Variants in ATF7 observed in about 807,000 individuals in gnomAD.
ATF7 encodes the protein activating transcription factor 7.
A neutral mutation model predicts 50.4 loss-of-function variants in ATF7; 10 were observed. The observed-to-expected ratio is 0.20, with a 90% CI of 0.12 to 0.34. The LOEUF (loss-of-function observed/expected upper bound fraction) is 0.34. Among genes scored for constraint, ATF7 ranks in the 10% least tolerant of loss-of-function variants. ATF7 has a pLI of 1.00. For synonymous variants in ATF7, 201 were observed against 226.4 expected (o/e 0.89, Z 1.01); for missense variants, 465 against 613.9 (o/e 0.76, Z 2.56).
intron 1 of ATF7, among the ~76,000 whole-genome samples, chr12:53,621,714 G>A (rs1593015533): frequency 6.6e-6 from 1 of 150,828 alleles, no homozygotes; most frequent in Middle Eastern, 3.4e-3. Flanking sequence ...GCTTGAACCC[G>A]GGAGGCGGAG....
intron 3 of ATF7, among the ~76,000 whole-genome samples, chr12:53,548,756 G>A (rs1472663719): frequency 6.6e-6 from 1 of 152,228 alleles, no homozygotes; most frequent in African/African-American, 2.4e-5. Flanking sequence ...GCTGAGGCAA[G>A]AGGGTTGCCT....
chr12:53,532,404 G>T (rs1386068690), intron 8 of ATF7, 106 bp downstream of exon 8: 39 of 889,928 alleles, frequency 4.4e-5, no homozygotes, highest in Non-Finnish European at 6.4e-5. Flanking sequence ...CCTTAGCTTT[G>T]CAAGCCCCAG....
intron 9 of ATF7, among the ~76,000 whole-genome samples, chr12:53,528,777 A>C (rs1427141544): frequency 1.3e-5 from 2 of 152,124 alleles, no homozygotes; most frequent in Non-Finnish European, 1.5e-5. Flanking sequence ...AAAAAAGAAA[A>C]GAAAAGAAAA....
intron 2 of ATF7, among the ~76,000 whole-genome samples, chr12:53,599,633 T>C (rs1213439480): frequency 6.6e-6 from 1 of 152,176 alleles, no homozygotes; most frequent in African/African-American, 2.4e-5. Flanking sequence ...TTTGGAATCT[T>C]CCTTCTGTTC....
At position 53,524,910 on chromosome 12, in the gene ATF7, T is replaced by G; in HGVS notation, c.928-149A>C. ...AAGTCTCATTACTATGTCCCCAAGC[T>G]TCCCTTTTGTAGGAGTCCTCAATTT... On this transcript the variant is annotated intron_variant, in intron 9 of 11. Transcript: ENST00000420353. This position sits in a 1 kb window ranked among gnomAD's most constrained non-coding sequence, Gnocchi z 4.6. 4 of 750,220 alleles carry G rather than the reference T, an allele frequency of 5.3e-6. No individual in the cohort carries two copies. The highest frequency in any genetic ancestry group is 8.2e-6 in the Non-Finnish European group (4 of 490,476). 46.5% of individuals were successfully genotyped at this position (750,220 alleles called of 1,614,324 possible).
chr12:53,596,401 A>T (rs1294224972), intron 2 of ATF7, among the ~76,000 whole-genome samples: 1 of 152,218 alleles, frequency 6.6e-6, no homozygotes, highest in African/African-American at 2.4e-5. Context: ...CTCCATGAGT[A>T]GTATCTCCTC....
intron 2 of ATF7, among the ~76,000 whole-genome samples, chr12:53,560,031 T>G (rs990135548): frequency 1.1e-4 from 16 of 152,104 alleles, no homozygotes; most frequent in Non-Finnish European, 2.4e-4. Flanking sequence ...CAAGTGATTC[T>G]TCTGCCTCAG....
intron 9 of ATF7, among the ~76,000 whole-genome samples, chr12:53,529,706 C>T (rs968703973): frequency 1.6e-5 from 2 of 122,948 alleles, no homozygotes; most frequent in African/African-American, 6.6e-5. Flanking sequence ...TATATATATA[C>T]ACATACACAC....
In ATF7 at chr12:53,554,852, GA is replaced by G. The variant is rs1940612355; in HGVS notation, c.49-2216del. ...AGCTCCAGCCTGGGTGACAGAGGAA[GA>G]CCTTGTCTCAAAAAAAGAAAAAAAA... On this transcript the variant is annotated intron_variant, in intron 2 of 11. Coordinates refer to ENST00000420353, the MANE Select transcript of ATF7 (RefSeq NM_006856.3). 4.1e-5 allele frequency among the ~76,000 whole-genome samples: 4 copies of G among 98,384 alleles called. No homozygotes were observed. The Admixed American group carries it at 6.2e-4, about 15-fold the overall frequency. The allele number at this position is 98,384 out of a possible 152,430, so 64.5% of individuals were successfully genotyped here.
At chr12:53,616,374 C>T (rs1944118459) in intron 1 of ATF7, among the ~76,000 whole-genome samples, 1 of 151,994 alleles carries the variant, frequency 6.6e-6, no homozygotes, top group Non-Finnish European at 1.5e-5. Context: ...AGGCGTGCAC[C>T]ACCAAGCCCA....
chr12:53,622,819 A>C (rs1202427492), intron 1 of ATF7, among the ~76,000 whole-genome samples: 1 of 152,116 alleles, frequency 6.6e-6, no homozygotes, highest in Non-Finnish European at 1.5e-5. Context: ...CAAAAAATTT[A>C]AAAATTAGCC....
At chr12:53,536,152 T>G (rs575770628) in intron 5 of ATF7, among the ~76,000 whole-genome samples, 17 of 152,310 alleles carry the variant, frequency 1.1e-4, no homozygotes, top group South Asian at 8.3e-4. Context: ...TATCCTGAGT[T>G]CTATCATTGT....
At chr12:53,577,693 G>A (rs1469409380) in intron 2 of ATF7, among the ~76,000 whole-genome samples, 1 of 146,160 alleles carries the variant, frequency 6.8e-6, no homozygotes, top group Admixed American at 7.0e-5. Context: ...TCCGGCCTGG[G>A]AGAAAGAGCG....
At chr12:53,556,047 C>A (rs1330146980) in intron 2 of ATF7, among the ~76,000 whole-genome samples, 2 of 152,094 alleles carry the variant, frequency 1.3e-5, no homozygotes, top group Admixed American at 1.3e-4. Context: ...AACTCCCGAC[C>A]TCAGGTGATC....
At chr12:53,543,570 G>C (rs1336710310) in intron 3 of ATF7, 122 bp from the exon 4 acceptor site, 5 of 1,148,040 alleles carry the variant, frequency 4.4e-6, no homozygotes, top group Non-Finnish European at 6.0e-6. Context: ...TTTGTGTTAG[G>C]GCAAATTTGC....
chr12:53,544,445 G>A (rs1289587956), intron 3 of ATF7, among the ~76,000 whole-genome samples: 1 of 152,086 alleles, frequency 6.6e-6, no homozygotes, highest in Non-Finnish European at 1.5e-5. Context: ...TGAGACCTGG[G>A]GTTAAGATCA....
intron 4 of ATF7, among the ~76,000 whole-genome samples, chr12:53,540,450 G>A (rs377309436): frequency 2.6e-5 from 4 of 151,838 alleles, no homozygotes; most frequent in Non-Finnish European, 4.4e-5. Context: ...TGGGCCAGGC[G>A]CGGTGGCTCA....
chr12:53,614,612 C>A (rs986509948), intron 1 of ATF7, among the ~76,000 whole-genome samples: 1 of 152,186 alleles, frequency 6.6e-6, no homozygotes, highest in African/African-American at 2.4e-5. Context: ...ATCACTGAGA[C>A]ACTTAGAAGT....
intron 1 of ATF7, among the ~76,000 whole-genome samples, chr12:53,623,869 G>C (rs777654767): frequency 2.0e-5 from 3 of 152,174 alleles, no homozygotes; most frequent in Non-Finnish European, 1.5e-5. Context: ...ATGAGGAAAG[G>C]AAAGAGAACA....
Sources: gnomAD v4.1 joint callset for allele counts (sites outside exome capture counted in the v4.1 genomes callset) on GRCh38, gnomAD v4.1.1 for gene constraint, Gnocchi (gnomAD v3.1) non-coding constraint, MANE v1.5 for transcripts, NCBI Gene and HGNC (gene_info 2026-07-23, HGNC 2026-07-21) for gene names.